THOC2: variants seen among roughly 807,000 people sequenced by gnomAD.
THOC2 encodes THO complex subunit 2.
Under a neutral mutation model 128.4 loss-of-function variants are expected in THOC2, and 10 were observed. The observed-to-expected ratio is 0.08, with a 90% CI of 0.05 to 0.13. The LOEUF is 0.13. THOC2 is among the 10% of genes least tolerant of loss of function. The pLI is 1.00. For synonymous variants in THOC2, 393 were observed against 396.9 expected, an observed-to-expected ratio of 0.99 and a Z score of 0.12; for missense variants, 535 against 1,155.7, an observed-to-expected ratio of 0.46 and a Z score of 7.79.
rs2047258004 is a variant in THOC2, at chrX:123,626,029, C to T, written c.2940G>A (p.Leu980=). The T allele has an allele frequency of 1.7e-6, 2 of 1,201,269 alleles. No individual in the cohort carries two copies. Among genetic ancestry groups the T allele is most frequent in the Non-Finnish European group, 2.3e-6 (2 of 888,208 alleles). ...AAAAAATACATCGAGGAAATATACACAGCTGTAGAAATTTTGTGATGGTCT... is the reference window on the plus strand; with the variant it reads ...AAAAAATACATCGAGGAAATATACATAGCTGTAGAAATTTTGTGATGGTCT... ...KNETITKFLQ[L]CIFPRCIFSA... is the part of the protein sequence containing the mutation. Residue 980 remains leucine, a synonymous_variant, in exon 25 of 39, where the codon CTG becomes CTA. Coordinates refer to ENST00000245838, the MANE Select transcript of THOC2 (RefSeq NM_001081550.2).
At chrX:123,710,706 T>C (rs966487642) in intron 2 of THOC2, among the ~76,000 whole-genome samples, 1 of 110,193 alleles carries the variant, frequency 9.1e-6, no homozygotes, top group Admixed American at 9.7e-5. Flanking sequence ...AAAAACATTT[T>C]CGGTCGGGCA....
At chrX:123,663,516 T>G (rs762327444) in intron 12 of THOC2, among the ~76,000 whole-genome samples, 1 of 98,584 alleles carries the variant, frequency 1.0e-5, no homozygotes, top group South Asian at 4.7e-4. Context: ...GTATTTAAAT[T>G]ATACCTCAAA....
intron 12 of THOC2, among the ~76,000 whole-genome samples, chrX:123,659,916 G>A (rs1448660289): frequency 1.8e-5 from 2 of 111,938 alleles, no homozygotes; most frequent in East Asian, 2.8e-4. Flanking sequence ...TAAAAATCCT[G>A]CTTGAATTCC....
chrX:123,605,921 C>T (rs1303465853), intron 38 of THOC2, among the ~76,000 whole-genome samples: 1 of 110,827 alleles, frequency 9.0e-6, no homozygotes, highest in East Asian at 2.8e-4. Context: ...TGGGGACTGA[C>T]GGAGGTGAAC....
At chrX:123,654,927 A>C (rs2048511461) in intron 12 of THOC2, among the ~76,000 whole-genome samples, 1 of 110,189 alleles carries the variant, frequency 9.1e-6, no homozygotes, top group Admixed American at 9.8e-5. Flanking sequence ...ATATAGGTTT[A>C]TAGGTTTATT....
chrX:123,604,783 C>T (rs950575657), intron 38 of THOC2, among the ~76,000 whole-genome samples: 1 of 111,491 alleles, frequency 9.0e-6, no homozygotes, highest in Admixed American at 9.5e-5. Context: ...AAAATCAAGC[C>T]CACCAAAATA....
At chrX:123,654,952 T>G (rs1483666582) in intron 12 of THOC2, among the ~76,000 whole-genome samples, 1 of 109,344 alleles carries the variant, frequency 9.1e-6, no homozygotes, top group Non-Finnish European at 1.9e-5. Context: ...GGAGGGTTTT[T>G]GGGGAGTCAT....
chrX:123,615,282 A>G lies in THOC2; in HGVS notation c.4312-1093T>C, dbSNP rs149584662. ...TTCAAAGGAATACATGAAAAATGAA[A>G]ACCATCAGTTTGAGAATTAAACACT... On this transcript the variant is annotated intron_variant, in intron 33 of 38. Coordinates refer to ENST00000245838, the MANE Select transcript of THOC2 (RefSeq NM_001081550.2). Among the ~76,000 whole-genome samples, 629 of 111,542 alleles carry G rather than the reference A, an allele frequency of 5.6e-3. 4 individuals are homozygous for G. The highest frequency in any genetic ancestry group is 0.023 in the Middle Eastern group (5 of 218).
chrX:123,690,670 C>T (rs2050184500), intron 7 of THOC2, among the ~76,000 whole-genome samples: 1 of 111,504 alleles, frequency 9.0e-6, no homozygotes, highest in Non-Finnish European at 1.9e-5. Flanking sequence ...GGAGAGATGT[C>T]CAGCCTATAA....
intron 8 of THOC2, among the ~76,000 whole-genome samples, chrX:123,686,217 T>C (rs1481775779): frequency 9.0e-6 from 1 of 110,966 alleles, no homozygotes; most frequent in African/African-American, 3.3e-5. Context: ...GATTCTCACA[T>C]TGTTCGTTAC....
chrX:123,632,489 CAAAAAAA>C (rs11324625), intron 21 of THOC2, among the ~76,000 whole-genome samples: 14 of 35,145 alleles, frequency 4.0e-4, no homozygotes, highest in East Asian at 1.0e-3. Context: ...GGCTTTGTCT[CAAAAAAA>C]AAAAAAAAAA....
At chrX:123,704,625 C>T (rs1480648561) in intron 3 of THOC2, among the ~76,000 whole-genome samples, 4 of 111,336 alleles carry the variant, frequency 3.6e-5, no homozygotes, top group South Asian at 3.8e-4. Context: ...TTTGGGAGGC[C>T]GAGGCAGGTG....
intron 8 of THOC2, among the ~76,000 whole-genome samples, chrX:123,683,080 G>A (rs2049854059): frequency 9.0e-6 from 1 of 111,632 alleles, no homozygotes; most frequent in Non-Finnish European, 1.9e-5. Context: ...GGGACCAGAA[G>A]TGTTTTAGAT....
At chrX:123,615,091 A>G (rs982808895) in intron 33 of THOC2, among the ~76,000 whole-genome samples, 4 of 111,733 alleles carry the variant, frequency 3.6e-5, no homozygotes, top group Non-Finnish European at 5.7e-5. Flanking sequence ...TACGGCATTT[A>G]TATCTGTGCT....
intron 18 of THOC2, among the ~76,000 whole-genome samples, chrX:123,636,458 C>T (rs1015715303): frequency 6.3e-5 from 7 of 111,904 alleles, no homozygotes; most frequent in African/African-American, 2.3e-4. Context: ...TGTCATGTAA[C>T]TTGCTCATGG....
chrX:123,610,691 T>C (rs2046670163), intron 38 of THOC2, among the ~76,000 whole-genome samples: 2 of 111,702 alleles, frequency 1.8e-5, no homozygotes, highest in Admixed American at 1.9e-4. Context: ...TAAATATATC[T>C]TGGTGCTTAA....
At chrX:123,651,819 C>T (rs551088445) in intron 12 of THOC2, among the ~76,000 whole-genome samples, 3 of 107,718 alleles carry the variant, frequency 2.8e-5, no homozygotes, top group African/African-American at 1.0e-4. Flanking sequence ...AACCTAACAA[C>T]CAAAAAAGGC....
chrX:123,618,085 TC>T (rs1242207345), intron 33 of THOC2, among the ~76,000 whole-genome samples: 1 of 111,527 alleles, frequency 9.0e-6, no homozygotes, highest in Non-Finnish European at 1.9e-5. Flanking sequence ...TTTTTGTAAC[TC>T]CTACTAGGTA....
chrX:123,607,183 A>G (rs981822629), intron 38 of THOC2, among the ~76,000 whole-genome samples: 1 of 111,932 alleles, frequency 8.9e-6, no homozygotes, highest in Admixed American at 9.4e-5. Context: ...GAAGATGCAG[A>G]GAAGGAACAG....
Sources: allele counts gnomAD v4.1 joint callset (sites outside exome capture counted in the v4.1 genomes callset), GRCh38; gene constraint gnomAD v4.1.1; transcripts MANE v1.5; gene names NCBI Gene and HGNC (gene_info 2026-07-23, HGNC 2026-07-21).